ANKIB1: variants seen among roughly 807,000 people sequenced by gnomAD.
The protein encoded by ANKIB1 is ankyrin repeat and IBR domain-containing protein 1.
ANKIB1 carries 43 observed loss-of-function variants against 122.1 expected under a neutral mutation model. The ratio of observed to expected loss-of-function variants is 0.35; its 90% CI spans 0.28 to 0.45. ANKIB1 has a LOEUF of 0.45. ANKIB1 is among the 20% of genes least tolerant of loss of function. ANKIB1 has a pLI of 1.00. For missense variants in ANKIB1, 992 were observed against 1,329.5 expected, an observed-to-expected ratio of 0.75 and a Z score of 3.95; for synonymous variants, 390 against 442.0, an observed-to-expected ratio of 0.88 and a Z score of 1.48.
intron 10 of ANKIB1, among the ~76,000 whole-genome samples, chr7:92,364,463 C>G (rs1397075765): frequency 1.3e-5 from 2 of 151,702 alleles, no homozygotes; most frequent in African/African-American, 4.8e-5. Flanking sequence ...TAAATAGATT[C>G]ATACCATTAC....
intron 1 of ANKIB1, among the ~76,000 whole-genome samples, chr7:92,289,011 G>A (rs1018684370): frequency 1.3e-5 from 2 of 152,134 alleles, no homozygotes; most frequent in African/African-American, 4.8e-5. Context: ...TTCCACTCTT[G>A]GATATTTACT....
chr7:92,303,632 A>G (rs1350958756), intron 2 of ANKIB1, among the ~76,000 whole-genome samples: 1 of 152,182 alleles, frequency 6.6e-6, no homozygotes, highest in Non-Finnish European at 1.5e-5. Flanking sequence ...TCATGGGTAA[A>G]AGAGAAGTTG....
At chr7:92,350,738 G>C (rs1184320833) in intron 7 of ANKIB1, among the ~76,000 whole-genome samples, 4 of 152,082 alleles carry the variant, frequency 2.6e-5, no homozygotes, top group Non-Finnish European at 5.9e-5. Context: ...ATAGCTGTAG[G>C]CCTAGCTACT....
At chr7:92,256,629 A>T (rs1801451715) in intron 1 of ANKIB1, among the ~76,000 whole-genome samples, 1 of 152,228 alleles carries the variant, frequency 6.6e-6, no homozygotes, top group Non-Finnish European at 1.5e-5. Context: ...TAAGGCTAGA[A>T]TTAAGACTTG....
intron 1 of ANKIB1, among the ~76,000 whole-genome samples, chr7:92,262,532 G>T (rs775974378): frequency 2.0e-5 from 3 of 152,128 alleles, no homozygotes; most frequent in Non-Finnish European, 4.4e-5. Flanking sequence ...ATCAAATGGA[G>T]AAATGTTCAT....
In ANKIB1 at chr7:92,382,068, C is replaced by CA. The variant is rs942298010; in HGVS notation, c.1618-4430dup. 5.6e-3 allele frequency among the ~76,000 whole-genome samples: 738 copies of CA among 132,076 alleles called. 2 individuals carry two copies. Among genetic ancestry groups the CA allele is most frequent in the African/African-American group, 0.016 (568 of 35,794 alleles). 86.6% of individuals were successfully genotyped at this position (132,076 alleles called of 152,430 possible). On this transcript the variant is annotated intron_variant, in intron 11 of 19. Transcript: ENST00000265742. Reference sequence around the variant, plus strand: ...AAAGATCTACCAAGCAAATGGAAAGCAAAAAAAAAAAGCAGGGGTTGCAAT... The same window carrying CA: ...AAAGATCTACCAAGCAAATGGAAAGCAAAAAAAAAAAAGCAGGGGTTGCAAT...
In ANKIB1 at chr7:92,362,219, T is replaced by A; in HGVS notation, c.1432T>A (p.Cys478Ser). The A allele has an allele frequency of 6.2e-7, 1 of 1,601,520 alleles. No individual in the cohort carries two copies. The highest frequency in any genetic ancestry group is 8.5e-7 in the Non-Finnish European group (1 of 1,173,824). ...TGGTGAAGCACATGAGCCTTGTGACTGCCAAACATGGAAGAATTGGCTGCA... is the reference window on the plus strand; with the variant it reads ...TGGTGAAGCACATGAGCCTTGTGACAGCCAAACATGGAAGAATTGGCTGCA... ...CLGEAHEPCD[C>S]QTWKNWLQKI... Residue 478 changes from cysteine to serine, a missense_variant, in exon 10 of 20, where the codon TGC becomes AGC. Cys to Ser is a moderately radical substitution (Grantham distance 112, BLOSUM62 -1). Coordinates refer to ENST00000265742, the MANE Select transcript of ANKIB1 (RefSeq NM_019004.2).
chr7:92,400,537 T>A lies in ANKIB1; in HGVS notation c.*1588T>A, dbSNP rs1024268370. The A allele has an allele frequency of 1.3e-5, 2 of 152,238 alleles. No individual in the cohort carries two copies. Among genetic ancestry groups the A allele is most frequent in the African/African-American group, 4.8e-5 (2 of 41,466 alleles). 9.4% of individuals were successfully genotyped at this position (152,238 alleles called of 1,614,324 possible). A position where few individuals can be genotyped will look rare whatever the true frequency, so the allele number is the denominator to read the frequency against. On this transcript the variant is annotated 3_prime_UTR_variant, in exon 20 of 20. Coordinates refer to ENST00000265742, the MANE Select transcript of ANKIB1 (RefSeq NM_019004.2). ...GCAAGTCCTGGGCTGGGTAAAAAGT[T>A]ATATTAATATTGTTATCCACAAGAG... is the stretch of plus-strand genomic sequence containing the variant.
chr7:92,287,511 C>T (rs1802155553), intron 1 of ANKIB1, among the ~76,000 whole-genome samples: 1 of 152,094 alleles, frequency 6.6e-6, no homozygotes. Flanking sequence ...GGTTGGGGTA[C>T]AGGATGTCAG....
rs1800961754 is a variant in ANKIB1, at chr7:92,246,127, A to ACC, written c.-483_-482insCC. 3.5e-6 allele frequency: 1 copy of ACC among 284,160 alleles called. No homozygotes were observed. Among genetic ancestry groups the ACC allele is most frequent in the African/African-American group, 2.4e-5 (1 of 41,400 alleles). 17.6% of individuals were successfully genotyped at this position (284,160 alleles called of 1,614,324 possible). ...GGAGCCGGAGGCGGGGGAGGGGAAGAGGGCGGCCGGGGCTGCGAGCGCGCA... is the reference window on the plus strand; with the variant it reads ...GGAGCCGGAGGCGGGGGAGGGGAAGACCGGGCGGCCGGGGCTGCGAGCGCGCA... On this transcript the variant is annotated 5_prime_UTR_variant, in exon 1 of 20. Transcript: ENST00000265742.
chr7:92,387,943 A>T, intron 13 of ANKIB1, 32 bp from the exon 14 acceptor site: 1 of 1,598,462 alleles, frequency 6.3e-7, no homozygotes, highest in South Asian at 1.1e-5. Context: ...AATAAAGAGA[A>T]TGGTTTAAAT....
chr7:92,344,624 G>C (rs1308197695), intron 6 of ANKIB1, among the ~76,000 whole-genome samples: 1 of 152,142 alleles, frequency 6.6e-6, no homozygotes, highest in Non-Finnish European at 1.5e-5. Context: ...GTAATGTGAA[G>C]GGCATGATAC....
chr7:92,317,831 A>G (rs540999639), intron 3 of ANKIB1, among the ~76,000 whole-genome samples: 1 of 152,348 alleles, frequency 6.6e-6, no homozygotes, highest in East Asian at 1.9e-4. Flanking sequence ...GGAAGAAAAT[A>G]AAAAGAAGCT....
intron 12 of ANKIB1, among the ~76,000 whole-genome samples, chr7:92,387,531 G>A (rs1804683755): frequency 6.6e-6 from 1 of 152,072 alleles, no homozygotes; most frequent in Non-Finnish European, 1.5e-5. Context: ...AGCTACTCAG[G>A]AGGCTGAGAC....
At chr7:92,271,142 C>T (rs1330960385) in intron 1 of ANKIB1, among the ~76,000 whole-genome samples, 1 of 152,008 alleles carries the variant, frequency 6.6e-6, no homozygotes, top group Non-Finnish European at 1.5e-5. Context: ...TATAAGTTGT[C>T]CTTGTATCTT....
At chr7:92,389,837 TAC>T (rs778704172) in intron 14 of ANKIB1, 132 bp from the exon 15 acceptor site, 112 of 861,046 alleles carry the variant, frequency 1.3e-4, no homozygotes, top group Non-Finnish European at 1.5e-4. Context: ...AGTATTTTCA[TAC>T]AGTTACTTAA....
At chr7:92,357,208 C>T (rs1020939080) in intron 9 of ANKIB1, among the ~76,000 whole-genome samples, 6 of 152,088 alleles carry the variant, frequency 3.9e-5, no homozygotes, top group African/African-American at 9.7e-5. Context: ...ATTTGAGCTA[C>T]GTGGAGGAGT....
At chr7:92,323,788 C>T (rs1054341372) in intron 4 of ANKIB1, among the ~76,000 whole-genome samples, 1 of 152,236 alleles carries the variant, frequency 6.6e-6, no homozygotes, top group East Asian at 1.9e-4. Context: ...TACTAATACA[C>T]ACTATATATA....
chr7:92,282,271 A>C (rs1351598442), intron 1 of ANKIB1, among the ~76,000 whole-genome samples: 1 of 151,760 alleles, frequency 6.6e-6, no homozygotes, highest in Non-Finnish European at 1.5e-5. Context: ...CTCTCACCTC[A>C]GCCTCCCAAG....
Sources: gnomAD v4.1 joint callset for allele counts (sites outside exome capture counted in the v4.1 genomes callset) on GRCh38, gnomAD v4.1.1 for gene constraint, MANE v1.5 for transcripts, NCBI Gene and HGNC (gene_info 2026-07-23, HGNC 2026-07-21) for gene names.